The following ADSL variants were observed in gnomAD, a reference collection of about 807,000 sequenced individuals.
ADSL encodes the protein adenylosuccinate lyase.
In ADSL, 44 loss-of-function variants were observed where a neutral mutation model predicts 62.1. The ratio of observed to expected loss-of-function variants is 0.71; its 90% CI spans 0.56 to 0.91. The LOEUF (loss-of-function observed/expected upper bound fraction) is 0.91, where lower values mean the gene tolerates loss of function less well. ADSL is among the 40% of genes least tolerant of loss of function. The pLI, the probability that ADSL is intolerant of heterozygous loss-of-function variation, is 0.00. For missense variants in ADSL, 531 were observed against 627.4 expected, an observed-to-expected ratio of 0.85 and a Z score of 1.64; for synonymous variants, 198 against 220.5, an observed-to-expected ratio of 0.90 and a Z score of 0.90.
intron 2 of ADSL, among the ~76,000 whole-genome samples, chr22:40,376,793 AT>A (rs1406887239): frequency 1.3e-5 from 2 of 152,068 alleles, no homozygotes; most frequent in African/African-American, 4.8e-5. Context: ...GTTTTTTTTA[AT>A]TTAGCATATA....
In ADSL at chr22:40,363,225, G is replaced by A. The variant is rs901791139; in HGVS notation, c.1101+154G>A. On this transcript the variant is annotated intron_variant, in intron 10 of 12. Coordinates refer to ENST00000623063, the MANE Select transcript of ADSL (RefSeq NM_000026.4). ...TCAGTTCATAAGCTCTAGGGAACTA[G>A]CTCTGTGGAATTCATAGACACATTA... 1.3e-5 allele frequency: 9 copies of A among 714,176 alleles called. No homozygotes were observed. In the African/African-American group the frequency reaches 1.6e-4, roughly 13 times the overall value. The allele number at this position is 714,176 out of a possible 1,614,324, so 44.2% of individuals were successfully genotyped here. A position where few individuals can be genotyped will look rare whatever the true frequency, so the allele number is the denominator to read the frequency against.
rs1029162636 is a variant in ADSL at position 40,348,504 on chromosome 22, C to A, written c.154-1328C>A. ...GCTCAAGCTGTCCTCTCACCTCAGC[C>A]TCCCAAGCTGGAACTAGAGGTGCAC... On this transcript the variant is annotated intron_variant, in intron 1 of 12. Transcript: ENST00000623063. The A allele has an allele frequency of 1.3e-5, 5 of 398,578 alleles. No homozygotes were observed. The South Asian group carries it at 3.8e-4, about 30-fold the overall frequency. The allele number at this position is 398,578 out of a possible 1,614,324, so 24.7% of individuals were successfully genotyped here.
In ADSL at chr22:40,366,839, G is replaced by T; in HGVS notation, c.*317G>T. 5.8e-6 allele frequency: 2 copies of T among 347,284 alleles called. No individual in the cohort carries two copies. Among genetic ancestry groups the T allele is most frequent in the South Asian group, 5.0e-5 (2 of 39,848 alleles). The allele number at this position is 347,284 out of a possible 1,614,324, so 21.5% of individuals were successfully genotyped here. ...CTTGTAAAGTAGCAAGAAATTTCTG[G>T]TCCTGTCTTCTAAAAGTGAATTTGA... On this transcript the variant is annotated 3_prime_UTR_variant, in exon 13 of 13. Coordinates refer to ENST00000623063, the MANE Select transcript of ADSL (RefSeq NM_000026.4).
chr22:40,380,453 G>A (rs12160928), intron 2 of ADSL, among the ~76,000 whole-genome samples: 27 of 147,742 alleles, frequency 1.8e-4, no homozygotes, highest in African/African-American at 6.3e-4. Flanking sequence ...TGTAACCTCC[G>A]CCTCCCGGGT....
intron 11 of ADSL, 190 bp from the exon 12 acceptor site, chr22:40,364,690 A>AAGGTG: frequency 3.0e-6 from 2 of 667,946 alleles, no homozygotes; most frequent in South Asian, 3.5e-5. Context: ...CATCCATTTC[A>AAGGTG]GGCTTGTCCT....
At chr22:40,375,966 A>G (rs774212768) in intron 2 of ADSL, among the ~76,000 whole-genome samples, 4 of 151,772 alleles carry the variant, frequency 2.6e-5, no homozygotes, top group Non-Finnish European at 4.4e-5. Flanking sequence ...ACTTGAGCTC[A>G]GGAGATTGAA....
At chr22:40,359,596 G>C (rs555341274) in intron 6 of ADSL, among the ~76,000 whole-genome samples, 1 of 151,470 alleles carries the variant, frequency 6.6e-6, no homozygotes, top group Admixed American at 6.6e-5. Context: ...GGAGTGCAGC[G>C]GTGTGATCTC....
intron 2 of ADSL, among the ~76,000 whole-genome samples, chr22:40,383,931 C>G (rs2048000318): frequency 6.6e-6 from 1 of 152,076 alleles, no homozygotes; most frequent in South Asian, 2.1e-4. Flanking sequence ...AGTAGACTTG[C>G]AACTGATTTG....
rs1183419524 is a variant in ADSL at position 40,368,377 on chromosome 22, A to G, written c.*1855A>G. 2.0e-5 allele frequency: 3 copies of G among 152,164 alleles called. No individual in the cohort carries two copies. The highest frequency in any genetic ancestry group is 7.2e-5 in the African/African-American group (3 of 41,444). 9.4% of individuals were successfully genotyped at this position (152,164 alleles called of 1,614,324 possible). A position where few individuals can be genotyped will look rare whatever the true frequency, so the allele number is the denominator to read the frequency against. On this transcript the variant is annotated 3_prime_UTR_variant, in exon 13 of 13. Coordinates refer to ENST00000623063, the MANE Select transcript of ADSL (RefSeq NM_000026.4). ...AGGAAATCAGGTTGCGATGATGCGC[A>G]TTTACAGTCCCAGCTACTTGGGAAG... is the stretch of plus-strand genomic sequence containing the variant.
Position 40,359,255 on chromosome 22 carries a change from C to A in ADSL, c.655-5C>A. ...TATTATAAGGATGTGTCTTTTCTTT[C>A]CAAGGTAGAGCAGCTTGACAAGATG... On this transcript the variant is annotated splice_polypyrimidine_tract_variant and splice_region_variant and intron_variant, in intron 5 of 12. Coordinates refer to ENST00000623063, the MANE Select transcript of ADSL (RefSeq NM_000026.4). The A allele has an allele frequency of 6.2e-7, 1 of 1,614,032 alleles. No individual in the cohort carries two copies. Among genetic ancestry groups the A allele is most frequent in the Non-Finnish European group, 8.5e-7 (1 of 1,179,956 alleles).
At chr22:40,361,202 C>A in intron 7 of ADSL, 71 bp from the exon 8 acceptor site, 1 of 1,430,636 alleles carries the variant, frequency 7.0e-7, no homozygotes, top group Non-Finnish European at 9.9e-7. Flanking sequence ...CTTCATCAGC[C>A]TAGTCACAGC....
In ADSL at chr22:40,365,043, G is replaced by A. The variant is rs775671027; in HGVS notation, c.1355G>A (p.Arg452His). Residue 452 changes from arginine to histidine, a missense_variant, in exon 12 of 13, where the codon CGT becomes CAT. Physicochemically the swap from Arg to His is conservative, Grantham distance 29 (BLOSUM62 0). Coordinates refer to ENST00000623063, the MANE Select transcript of ADSL (RefSeq NM_000026.4). ...HLLDPSSFTG[R>H]ASQQVQRFLE... ...CTGGATCCTTCTTCTTTCACTGGTC[G>A]TGCCTCCCAGCAGGTAAGCTTCCAA... The A allele has an allele frequency of 2.1e-5, 34 of 1,613,628 alleles. No homozygotes were observed. Among genetic ancestry groups the A allele is most frequent in the South Asian group, 9.9e-5 (9 of 91,078 alleles).
chr22:40,352,528 TAAAAAGAAAA>T (rs1417676466), intron 2 of ADSL, among the ~76,000 whole-genome samples: 2 of 151,566 alleles, frequency 1.3e-5, no homozygotes, highest in African/African-American at 4.8e-5. Context: ...ACTCCCATCT[TAAAAAGAAAA>T]AAAAAGAAAA....
chr22:40,365,598 A>G (rs2044972751), intron 12 of ADSL, among the ~76,000 whole-genome samples: 1 of 152,132 alleles, frequency 6.6e-6, no homozygotes, highest in African/African-American at 2.4e-5. Context: ...GGCTGGGCGC[A>G]GTGGCTCACA....
chr22:40,363,187 C>G lies in ADSL; in HGVS notation c.1101+116C>G, dbSNP rs2044860839. On this transcript the variant is annotated intron_variant, in intron 10 of 12. Coordinates refer to ENST00000623063, the MANE Select transcript of ADSL (RefSeq NM_000026.4). ...CTGATCCGATAGGCATTCTTCCCAC[C>G]CGAGCTCATCCTTCAGTTCATAAGC... The G allele has an allele frequency of 2.9e-5, 26 of 911,048 alleles. No individual in the cohort carries two copies. The South Asian group carries it at 3.5e-4, about 12-fold the overall frequency. The allele number at this position is 911,048 out of a possible 1,614,324, so 56.4% of individuals were successfully genotyped here. A position where few individuals can be genotyped will look rare whatever the true frequency, so the allele number is the denominator to read the frequency against.
chr22:40,364,454 T>C, intron 11 of ADSL, 89 bp downstream of exon 11: 1 of 1,111,434 alleles, frequency 9.0e-7, no homozygotes, highest in Non-Finnish European at 1.3e-6. Flanking sequence ...TGAAGGTGTT[T>C]ATGTCATTAC....
intron 2 of ADSL, 75 bp from the exon 3 acceptor site, chr22:40,352,998 G>A: frequency 7.4e-7 from 1 of 1,351,134 alleles, no homozygotes; most frequent in Non-Finnish European, 1.1e-6. Flanking sequence ...CAGCCTTTCT[G>A]GCCAAAAAGT....
In ADSL at chr22:40,362,979, A is replaced by G; in HGVS notation, c.1011-2A>G. 6.2e-6 allele frequency: 10 copies of G among 1,612,778 alleles called. No individual in the cohort carries two copies. The highest frequency in any genetic ancestry group is 8.5e-6 in the Non-Finnish European group (10 of 1,178,704). ...CATACTGAATGGCTATTTGTTTTCT[A>G]GACGGATCTGTTTGGCCGAGGCATT... On this transcript the variant is annotated splice_acceptor_variant, in intron 9 of 12. Coordinates refer to ENST00000623063, the MANE Select transcript of ADSL (RefSeq NM_000026.4). LOFTEE classifies it high-confidence loss of function.
At chr22:40,375,473 G>A (rs1209585372) in intron 2 of ADSL, among the ~76,000 whole-genome samples, 3 of 151,846 alleles carry the variant, frequency 2.0e-5, no homozygotes, top group Non-Finnish European at 4.4e-5. Flanking sequence ...CCAGCTATTC[G>A]GGAGGCTGAG....
Sources: allele counts gnomAD v4.1 joint callset (sites outside exome capture counted in the v4.1 genomes callset), GRCh38; gene constraint gnomAD v4.1.1; transcripts MANE v1.5; gene names NCBI Gene and HGNC (gene_info 2026-07-23, HGNC 2026-07-21).